LARGE1: variants seen among roughly 807,000 people sequenced by gnomAD.
LARGE1 encodes the protein LARGE xylosyl- and glucuronyltransferase 1, also known as xylosyl- and glucuronyltransferase LARGE1.
A neutral mutation model predicts 87.6 loss-of-function variants in LARGE1; 43 were observed. The ratio of observed to expected loss-of-function variants is 0.49; its 90% CI spans 0.38 to 0.63. LARGE1 has a LOEUF of 0.63. Among genes scored for constraint, LARGE1 ranks in the 30% least tolerant of loss-of-function variants. The pLI is 0.00. For missense variants in LARGE1, 802 were observed against 1,000.2 expected (o/e 0.80, Z 2.67); for synonymous variants, 434 against 394.6 (o/e 1.10, Z -1.18).
At chr22:33,656,533 C>G (rs1436124940) in intron 2 of LARGE1, among the ~76,000 whole-genome samples, 2 of 152,154 alleles carry the variant, frequency 1.3e-5, no homozygotes, top group African/African-American at 4.8e-5. Context: ...TCTCCCAGCC[C>G]AAGCCCACTA....
intron 14 of LARGE1, 95 bp downstream of exon 14, chr22:33,276,965 G>T: frequency 8.3e-7 from 1 of 1,206,716 alleles, no homozygotes; most frequent in Non-Finnish European, 1.2e-6. Flanking sequence ...TTCCCTCTTA[G>T]CTCTCTGCTT....
intron 6 of LARGE1, among the ~76,000 whole-genome samples, chr22:33,471,253 A>C (rs144157665): frequency 6.6e-6 from 1 of 152,122 alleles, no homozygotes; most frequent in African/African-American, 2.4e-5. Context: ...CACGGTGGCC[A>C]AGCTGGTCTC....
At chr22:33,071,576 A>T in the LARGE1 span, among the ~76,000 whole-genome samples, 1 of 152,194 alleles carries the variant, frequency 6.6e-6, no homozygotes, top group Non-Finnish European at 1.5e-5. Flanking sequence ...GTTTTCAGGC[A>T]TTGTACTACA....
rs369930752 is a variant in LARGE1 at position 33,275,066 on chromosome 22, G to T, written c.2074-442C>A. Among the ~76,000 whole-genome samples the T allele has an allele frequency of 2.4e-3, 367 of 152,170 alleles. 3 individuals are homozygous for T. Among genetic ancestry groups the T allele is most frequent in the African/African-American group, 8.4e-3 (347 of 41,462 alleles). ...TATGATTCCTCATAGGACTTGATGCGATCTGACAGTCTCAACAGATGAGTG... is the reference window on the plus strand; with the variant it reads ...TATGATTCCTCATAGGACTTGATGCTATCTGACAGTCTCAACAGATGAGTG... On this transcript the variant is annotated intron_variant, in intron 14 of 14. Transcript: ENST00000397394.
At chr22:33,788,925 G>A (rs1021541789) in intron 1 of LARGE1, among the ~76,000 whole-genome samples, 3 of 152,204 alleles carry the variant, frequency 2.0e-5, no homozygotes, top group African/African-American at 7.2e-5. Flanking sequence ...TTGAAAATCT[G>A]CAGCCTGATA....
chr22:33,280,038 A>C (rs770933224), intron 13 of LARGE1, among the ~76,000 whole-genome samples: 9 of 152,216 alleles, frequency 5.9e-5, no homozygotes, highest in Non-Finnish European at 1.2e-4. Flanking sequence ...AGCTTAAGTG[A>C]GAAAATATAA....
the LARGE1 span, among the ~76,000 whole-genome samples, chr22:33,107,452 G>T: frequency 6.6e-6 from 1 of 152,172 alleles, no homozygotes. Context: ...CTACTTGCGG[G>T]GCTGAGGTAG....
chr22:33,571,624 A>G (rs2078207403), intron 5 of LARGE1, among the ~76,000 whole-genome samples: 1 of 152,240 alleles, frequency 6.6e-6, no homozygotes. Flanking sequence ...CCCAGTAAAG[A>G]TAATAATAGA....
Position 33,546,427 on chromosome 22 carries a change from AG to A in LARGE1, c.787+18420del, listed in dbSNP as rs386820838. Reference sequence around the variant, plus strand: ...TTAGGTTATGGGGGATGTCTTTCCCAGGTTCCGAAATTAATGACTGTCTCCA... The same window carrying A: ...TTAGGTTATGGGGGATGTCTTTCCCAGTTCCGAAATTAATGACTGTCTCCA... On this transcript the variant is annotated intron_variant, in intron 6 of 14. Transcript: ENST00000397394. Among the ~76,000 whole-genome samples the A allele has an allele frequency of 2.5e-3, 388 of 152,268 alleles. 1 individual carries two copies. Among genetic ancestry groups the A allele is most frequent in the African/African-American group, 9.0e-3 (375 of 41,558 alleles).
Position 33,845,825 on chromosome 22 carries a change from C to A in LARGE1, c.-83+74170G>T, listed in dbSNP as rs922431742. ...TTCCCATGACTCCCTTTCTCCCCGC[C>A]CCGTGATTACTTTGAAGCAAATCCG... On this transcript the variant is annotated intron_variant, in intron 1 of 14. Transcript: ENST00000397394. Among the ~76,000 whole-genome samples, 7 of 152,242 alleles carry A rather than the reference C, an allele frequency of 4.6e-5. No homozygotes were observed. In the South Asian group the frequency reaches 8.3e-4, roughly 18 times the overall value.
intron 6 of LARGE1, among the ~76,000 whole-genome samples, chr22:33,482,217 C>A (rs558667455): frequency 5.3e-5 from 8 of 152,150 alleles, no homozygotes; most frequent in African/African-American, 1.7e-4. Context: ...AAGGTCATAA[C>A]CTAGAAAAAC....
At position 33,915,038 on chromosome 22, in the gene LARGE1, C is replaced by CAGAG. The variant is rs1385339734; in HGVS notation, c.-83+4956_-83+4957insCTCT. ...ACACACACACACACACACACACACA[C>CAGAG]ACACAGAGAGAGAGAGAGAGAGAGA... On this transcript the variant is annotated intron_variant, in intron 1 of 14. Transcript: ENST00000397394. Among the ~76,000 whole-genome samples, 372 of 114,810 alleles carry CAGAG rather than the reference C, an allele frequency of 3.2e-3. 2 individuals are homozygous for CAGAG. Among genetic ancestry groups the CAGAG allele is most frequent in the African/African-American group, 0.012 (351 of 30,080 alleles). The allele number at this position is 114,810 out of a possible 152,430, so 75.3% of individuals were successfully genotyped here.
chr22:33,078,411 T>G, the LARGE1 span, among the ~76,000 whole-genome samples: 1 of 152,206 alleles, frequency 6.6e-6, no homozygotes, highest in African/African-American at 2.4e-5. Context: ...AGGACCCAGG[T>G]TAAGTTCTTT....
intron 10 of LARGE1, 52 bp downstream of exon 10, chr22:33,337,594 T>C (rs1938614214): frequency 3.7e-6 from 6 of 1,608,990 alleles, no homozygotes; most frequent in Middle Eastern, 1.7e-4. Context: ...AGGTCCTTGA[T>C]GGATGAGCAG....
intron 6 of LARGE1, among the ~76,000 whole-genome samples, chr22:33,504,190 T>A (rs1384631188): frequency 5.3e-5 from 8 of 152,218 alleles, no homozygotes; most frequent in African/African-American, 1.7e-4. Flanking sequence ...ACTTTAAAGT[T>A]GGATTGTGGT....
chr22:33,846,273 TTC>T (rs748689303), intron 1 of LARGE1, among the ~76,000 whole-genome samples: 6 of 152,246 alleles, frequency 3.9e-5, no homozygotes, highest in Non-Finnish European at 7.3e-5. Flanking sequence ...CTTTTATAAT[TTC>T]TTATGCCTGT....
intron 1 of LARGE1, among the ~76,000 whole-genome samples, chr22:33,906,452 G>A (rs1028291439): frequency 6.6e-6 from 1 of 152,136 alleles, no homozygotes; most frequent in African/African-American, 2.4e-5. Context: ...CCAGTCTCTG[G>A]GCTTTATTGC....
At chr22:33,816,689 T>TAGACAGACAGAC (rs1226644906) in intron 1 of LARGE1, among the ~76,000 whole-genome samples, 16 of 132,362 alleles carry the variant, frequency 1.2e-4, no homozygotes, top group Admixed American at 3.7e-4. Flanking sequence ...GATAGATAGA[T>TAGACAGACAGAC]AGACAGACAG....
At chr22:33,851,290 A>C (rs772689632) in intron 1 of LARGE1, among the ~76,000 whole-genome samples, 1 of 152,148 alleles carries the variant, frequency 6.6e-6, no homozygotes, top group Admixed American at 6.5e-5. Flanking sequence ...TTTACTCAAG[A>C]CCCCACTGTG....
Sources: allele counts gnomAD v4.1 joint callset (sites outside exome capture counted in the v4.1 genomes callset), GRCh38; gene constraint gnomAD v4.1.1; transcripts MANE v1.5; gene names NCBI Gene and HGNC (gene_info 2026-07-23, HGNC 2026-07-21).